The following RGS6 variants were observed in gnomAD, a reference collection of about 807,000 sequenced individuals.
RGS6 encodes the protein regulator of G protein signaling 6, also known as regulator of G-protein signaling 6.
In RGS6, 30 loss-of-function variants were observed where a neutral mutation model predicts 78.5. That is an observed-to-expected ratio of 0.38 (90% confidence interval 0.29 to 0.52). The LOEUF is 0.52. Ranked by LOEUF, RGS6 falls within the 20% of genes least tolerant of loss-of-function variation. RGS6 has a pLI of 0.85. For missense variants in RGS6, 495 were observed against 609.7 expected (o/e 0.81, Z 1.98); for synonymous variants, 206 against 206.0 (o/e 1.00, Z 0.00).
At chr14:72,013,336 A>G (rs2086252272) in intron 2 of RGS6, among the ~76,000 whole-genome samples, 2 of 104,476 alleles carry the variant, frequency 1.9e-5, no homozygotes, top group South Asian at 8.5e-4. Flanking sequence ...AGTATTCAGT[A>G]AGGTGAATGA....
intron 2 of RGS6, among the ~76,000 whole-genome samples, chr14:72,142,827 G>T (rs1217264518): frequency 6.6e-6 from 1 of 152,154 alleles, no homozygotes; most frequent in African/African-American, 2.4e-5. Flanking sequence ...GGTTTAAGGG[G>T]TTCTTAATGC....
chr14:71,989,141 T>C (rs768931257), intron 2 of RGS6, among the ~76,000 whole-genome samples: 3 of 152,224 alleles, frequency 2.0e-5, no homozygotes, highest in Admixed American at 1.3e-4. Context: ...GGCCAGTGCT[T>C]TGGGCACGTG....
intron 2 of RGS6, among the ~76,000 whole-genome samples, chr14:72,268,407 C>T (rs2059402840): frequency 2.0e-5 from 3 of 152,128 alleles, no homozygotes. Context: ...TGAATGAAAA[C>T]CTCCCCACAG....
intron 17 of RGS6, chr14:72,541,046 T>G: frequency 7.5e-7 from 1 of 1,327,450 alleles, no homozygotes. Flanking sequence ...CAAGAAATAC[T>G]CAATCCCGCT....
chr14:72,579,596 T>C, the RGS6 span, among the ~76,000 whole-genome samples: 4 of 152,206 alleles, frequency 2.6e-5, no homozygotes, highest in Admixed American at 1.3e-4. Context: ...GATAATGACA[T>C]CTAGTGAAAA....
At chr14:71,922,513 T>A in the RGS6 span, among the ~76,000 whole-genome samples, 1 of 152,226 alleles carries the variant, frequency 6.6e-6, no homozygotes, top group Non-Finnish European at 1.5e-5. Context: ...AAAGTCTTCA[T>A]CATGGCCTAT....
chr14:72,534,537 G>A (rs569633465), intron 15 of RGS6, among the ~76,000 whole-genome samples: 1 of 152,248 alleles, frequency 6.6e-6, no homozygotes, highest in Admixed American at 6.5e-5. Context: ...TTCCTTCTTT[G>A]TTAAGACCAA....
chr14:72,084,025 C>T (rs1304570252), intron 2 of RGS6, among the ~76,000 whole-genome samples: 2 of 152,140 alleles, frequency 1.3e-5, no homozygotes, highest in Non-Finnish European at 2.9e-5. Context: ...TGCATTTCTT[C>T]CTTTCTAAAA....
chr14:72,248,198 T>C (rs1314276432), intron 2 of RGS6, among the ~76,000 whole-genome samples: 1 of 152,172 alleles, frequency 6.6e-6, no homozygotes, highest in Non-Finnish European at 1.5e-5. Flanking sequence ...CCTTTTTCTC[T>C]CTCCTAAGTG....
At chr14:71,869,841 A>G in the RGS6 span, among the ~76,000 whole-genome samples, 2 of 152,098 alleles carry the variant, frequency 1.3e-5, no homozygotes, top group African/African-American at 4.8e-5. Context: ...CACCCTCATG[A>G]GTGGGATTGG....
chr14:72,238,551 C>T (rs2051820077), intron 2 of RGS6, among the ~76,000 whole-genome samples: 2 of 152,094 alleles, frequency 1.3e-5, no homozygotes, highest in Non-Finnish European at 2.9e-5. Flanking sequence ...TATTTAAGCT[C>T]CTGGTCATCA....
intron 17 of RGS6, among the ~76,000 whole-genome samples, chr14:72,548,821 A>G (rs565730614): frequency 2.3e-4 from 35 of 152,312 alleles, no homozygotes; most frequent in Non-Finnish European, 3.4e-4. Context: ...TAGAAGATAG[A>G]TAGGTAGATA....
intron 3 of RGS6, among the ~76,000 whole-genome samples, chr14:72,405,986 G>A (rs188649855): frequency 3.9e-5 from 6 of 152,198 alleles, no homozygotes; most frequent in South Asian, 2.1e-4. Flanking sequence ...GGCTGTCTGC[G>A]TCCAGATGTT....
chr14:72,464,727 A>C (rs1426419948), intron 6 of RGS6: 1 of 152,248 alleles, frequency 6.6e-6, no homozygotes, highest in Non-Finnish European at 1.5e-5. Context: ...GGTAGGGAGA[A>C]GAAGTGATGA....
the RGS6 span, among the ~76,000 whole-genome samples, chr14:72,609,266 G>T: frequency 1.3e-5 from 2 of 152,146 alleles, no homozygotes; most frequent in Non-Finnish European, 2.9e-5. Context: ...ATCAGCGACA[G>T]GTCTCCCTCC....
chr14:72,032,612 A>G (rs369083587), intron 2 of RGS6, among the ~76,000 whole-genome samples: 2 of 152,142 alleles, frequency 1.3e-5, no homozygotes, highest in East Asian at 3.9e-4. Flanking sequence ...ACTTGTCTTC[A>G]CCCTCCTCCA....
intron 2 of RGS6, among the ~76,000 whole-genome samples, chr14:72,308,734 T>G (rs2152447760): frequency 6.6e-6 from 1 of 152,334 alleles, no homozygotes; most frequent in South Asian, 2.1e-4. Context: ...TCTCAAAATA[T>G]ACATGTATTC....
intron 13 of RGS6, among the ~76,000 whole-genome samples, chr14:72,500,822 C>A (rs1266343111): frequency 6.6e-6 from 1 of 152,196 alleles, no homozygotes; most frequent in East Asian, 1.9e-4. Context: ...CAGAGGCCAA[C>A]AAAAACTAAG....
intron 9 of RGS6, 60 bp downstream of exon 9, chr14:72,473,013 T>A: frequency 7.9e-7 from 1 of 1,264,634 alleles, no homozygotes. Flanking sequence ...TTTTTATCTC[T>A]ATAAAGAAAA....
Sources: gnomAD v4.1 joint callset for allele counts (sites outside exome capture counted in the v4.1 genomes callset) on GRCh38, gnomAD v4.1.1 for gene constraint, MANE v1.5 for transcripts, NCBI Gene and HGNC (gene_info 2026-07-23, HGNC 2026-07-21) for gene names.